Variants in UNC13C observed in about 807,000 individuals in gnomAD.
UNC13C encodes the protein protein unc-13 homolog C.
In UNC13C, 174 loss-of-function variants were observed where a neutral mutation model predicts 245.4. That is an observed-to-expected ratio of 0.71 (90% CI 0.63 to 0.80). UNC13C has a LOEUF of 0.80. Among genes scored for constraint, UNC13C ranks in the 30% least tolerant of loss-of-function variants. UNC13C has a pLI of 0.00. For synonymous variants in UNC13C, 992 were observed against 895.1 expected, an observed-to-expected ratio of 1.11 and a Z score of -1.93; for missense variants, 2,829 against 2,602.9, an observed-to-expected ratio of 1.09 and a Z score of -1.89.
intron 2 of UNC13C, among the ~76,000 whole-genome samples, chr15:54,113,563 G>A (rs1393612918): frequency 5.9e-5 from 9 of 152,024 alleles, no homozygotes; most frequent in African/African-American, 2.2e-4. Flanking sequence ...AACATTATAA[G>A]ATGCTGTAAT....
the UNC13C span, among the ~76,000 whole-genome samples, chr15:53,888,915 G>C: frequency 6.6e-6 from 1 of 152,154 alleles, no homozygotes; most frequent in Non-Finnish European, 1.5e-5. Context: ...CTAAATATCT[G>C]TTTTGGTACC....
intron 16 of UNC13C, among the ~76,000 whole-genome samples, chr15:54,336,615 T>C (rs1377632224): frequency 6.6e-6 from 1 of 152,084 alleles, no homozygotes; most frequent in Non-Finnish European, 1.5e-5. Context: ...TTATTTAGAA[T>C]TTTGGGGATT....
At chr15:54,442,403 G>C (rs924324515) in intron 19 of UNC13C, among the ~76,000 whole-genome samples, 4 of 151,552 alleles carry the variant, frequency 2.6e-5, no homozygotes, top group Non-Finnish European at 4.4e-5. Context: ...TTGTATTTTT[G>C]TAGAGACCAG....
In UNC13C at chr15:54,276,347, A is replaced by G. The variant is rs117995909; in HGVS notation, c.3818+10851A>G. ...GAAGAAAAAACTCTGACAAAAAATAACTCATTCACTGTGTTAGCAGAGTCA... is the reference window on the plus strand; with the variant it reads ...GAAGAAAAAACTCTGACAAAAAATAGCTCATTCACTGTGTTAGCAGAGTCA... On this transcript the variant is annotated intron_variant, in intron 10 of 32. Transcript: ENST00000260323. Among the ~76,000 whole-genome samples the G allele has an allele frequency of 5.5e-4, 83 of 152,206 alleles. 2 individuals carry two copies. In the East Asian group the frequency reaches 0.016, roughly 29 times the overall value.
At chr15:53,868,275 G>A in the UNC13C span, among the ~76,000 whole-genome samples, 141 of 152,312 alleles carry the variant, frequency 9.3e-4, no homozygotes, top group African/African-American at 3.2e-3. Context: ...TTCCCTGAGA[G>A]CAATTGGAGG....
intron 4 of UNC13C, among the ~76,000 whole-genome samples, chr15:54,146,421 C>T (rs1370369823): frequency 1.3e-5 from 2 of 152,124 alleles, no homozygotes; most frequent in East Asian, 1.9e-4. Context: ...AAACTATATA[C>T]ACTGAAACCA....
At chr15:54,398,799 C>T (rs923278083) in intron 18 of UNC13C, among the ~76,000 whole-genome samples, 1 of 151,278 alleles carries the variant, frequency 6.6e-6, no homozygotes, top group Non-Finnish European at 1.5e-5. Flanking sequence ...TAAATCTGAA[C>T]TGATTTTTCC....
At chr15:54,187,979 G>A (rs1046973997) in intron 4 of UNC13C, among the ~76,000 whole-genome samples, 13 of 151,874 alleles carry the variant, frequency 8.6e-5, no homozygotes, top group East Asian at 1.9e-4. Flanking sequence ...CACCATGCAC[G>A]GATAATTTTT....
intron 4 of UNC13C, among the ~76,000 whole-genome samples, chr15:54,231,803 G>A (rs1294456452): frequency 2.0e-5 from 3 of 151,970 alleles, no homozygotes; most frequent in African/African-American, 7.2e-5. Flanking sequence ...GTCTGCTATG[G>A]TCTGTTCTGA....
intron 10 of UNC13C, among the ~76,000 whole-genome samples, chr15:54,275,503 A>G (rs1304733484): frequency 6.6e-6 from 1 of 152,098 alleles, no homozygotes; most frequent in African/African-American, 2.4e-5. Context: ...TGGGTTATTT[A>G]TATCTCATTA....
At chr15:54,249,237 T>C (rs1186845240) in intron 7 of UNC13C, among the ~76,000 whole-genome samples, 2 of 33,798 alleles carry the variant, frequency 5.9e-5, no homozygotes, top group African/African-American at 4.4e-4. Context: ...GGTGGTTTGT[T>C]TTTTTTTTTA....
At chr15:54,259,034 C>A (rs1174970252) in intron 8 of UNC13C, among the ~76,000 whole-genome samples, 2 of 152,258 alleles carry the variant, frequency 1.3e-5, no homozygotes, top group Non-Finnish European at 2.9e-5. Context: ...AGGTTGCAGA[C>A]TACTGACTTC....
At chr15:54,028,377 A>G (rs2141014021) in intron 2 of UNC13C, among the ~76,000 whole-genome samples, 1 of 152,204 alleles carries the variant, frequency 6.6e-6, no homozygotes, top group African/African-American at 2.4e-5. Context: ...TAGCCTCAAA[A>G]CTAGTCTCCG....
chr15:53,934,590 T>C, the UNC13C span, among the ~76,000 whole-genome samples: 1 of 152,202 alleles, frequency 6.6e-6, no homozygotes, highest in East Asian at 1.9e-4. Context: ...TAATTGACAT[T>C]ATCTCCAATC....
At chr15:54,576,377 C>T (rs946796680) in intron 30 of UNC13C, among the ~76,000 whole-genome samples, 1 of 152,094 alleles carries the variant, frequency 6.6e-6, no homozygotes, top group African/African-American at 2.4e-5. Flanking sequence ...GTTCCTTCTC[C>T]GTACTCTACA....
intron 7 of UNC13C, among the ~76,000 whole-genome samples, chr15:54,243,768 T>C (rs1239516952): frequency 1.3e-5 from 2 of 152,228 alleles, no homozygotes; most frequent in Non-Finnish European, 2.9e-5. Context: ...ACTGCATGAA[T>C]GTCTTCTTTT....
intron 17 of UNC13C, among the ~76,000 whole-genome samples, chr15:54,374,456 C>T (rs953598291): frequency 6.6e-6 from 1 of 152,198 alleles, no homozygotes; most frequent in Non-Finnish European, 1.5e-5. Flanking sequence ...AGGGAGCTGG[C>T]ATTTCTGCAC....
At chr15:53,938,361 C>A in the UNC13C span, among the ~76,000 whole-genome samples, 4 of 152,122 alleles carry the variant, frequency 2.6e-5, no homozygotes, top group African/African-American at 9.7e-5. Context: ...ACTGGAGCAC[C>A]CAGATTCATG....
intron 19 of UNC13C, among the ~76,000 whole-genome samples, chr15:54,455,205 C>CTATA (rs1214014395): frequency 0.011 from 204 of 18,910 alleles, 9 homozygotes; most frequent in East Asian, 0.02. Flanking sequence ...CTCTCTCTCT[C>CTATA]TATATATATA....
Sources: gnomAD v4.1 joint callset for allele counts (sites outside exome capture counted in the v4.1 genomes callset) on GRCh38, gnomAD v4.1.1 for gene constraint, MANE v1.5 for transcripts, NCBI Gene and HGNC (gene_info 2026-07-23, HGNC 2026-07-21) for gene names.